HSPG2: variants seen among roughly 807,000 people sequenced by gnomAD.
The protein encoded by HSPG2 is basement membrane-specific heparan sulfate proteoglycan core protein.
A neutral mutation model predicts 526.6 loss-of-function variants in HSPG2; 278 were observed. That is an observed-to-expected ratio of 0.53 (90% confidence interval 0.48 to 0.58). The LOEUF (loss-of-function observed/expected upper bound fraction) is 0.58. Among genes scored for constraint, HSPG2 ranks in the 20% least tolerant of loss-of-function variants. HSPG2 has a pLI of 0.00. For missense variants in HSPG2, 5,354 were observed against 6,099.5 expected (o/e 0.88, Z 4.07); for synonymous variants, 2,465 against 2,555.4 (o/e 0.96, Z 1.07).
At position 21,822,492 on chromosome 1, in the gene HSPG2, G is replaced by A. The variant is rs774542904; in HGVS notation, c.*824C>T. 23 of 446,518 alleles carry A rather than the reference G, an allele frequency of 5.2e-5. No homozygotes were observed. Among genetic ancestry groups the A allele is most frequent in the East Asian group, 4.6e-4 (11 of 24,084 alleles). The allele number at this position is 446,518 out of a possible 1,614,324, so 27.7% of individuals were successfully genotyped here. On this transcript the variant is annotated 3_prime_UTR_variant, in exon 97 of 97. Transcript: ENST00000374695. Reference sequence around the variant, plus strand: ...CTCTTCCTGAGCACCAGCGGCATCCGTCCGTCCGTTGTCTGTTGGAGGAGT... The same window carrying A: ...CTCTTCCTGAGCACCAGCGGCATCCATCCGTCCGTTGTCTGTTGGAGGAGT...
chr1:21,876,122 T>C (rs536860109), intron 23 of HSPG2, 80 bp from the exon 24 acceptor site: 297 of 1,578,418 alleles, frequency 1.9e-4, no homozygotes, highest in Non-Finnish European at 2.4e-4. Flanking sequence ...TTCCATGCAG[T>C]GTATCTCACT....
At chr1:21,846,827 C>T (rs1466562516) in intron 62 of HSPG2, among the ~76,000 whole-genome samples, 1 of 152,092 alleles carries the variant, frequency 6.6e-6, no homozygotes, top group East Asian at 1.9e-4. Context: ...TGGTGAAATC[C>T]TGTCTCTACT....
intron 1 of HSPG2, among the ~76,000 whole-genome samples, chr1:21,913,985 A>G (rs1643800717): frequency 2.6e-5 from 4 of 152,178 alleles, no homozygotes; most frequent in East Asian, 1.9e-4. Flanking sequence ...GAACCTGTGA[A>G]ATTTGTGGCG....
chr1:21,887,465 C>T lies in HSPG2; in HGVS notation c.913G>A (p.Asp305Asn), dbSNP rs372437693. 3.7e-5 allele frequency: 59 copies of T among 1,613,932 alleles called. No individual in the cohort carries two copies. The highest frequency in any genetic ancestry group is 3.3e-4 in the East Asian group (15 of 44,878). ...CCGTCCTCGCAGTCCTCCTGTCCGT[C>T]GCAGAGGTAGTCTCTGGGGATGCAG... The part of the protein sequence containing the change: ...GHCIPRDYLC[D>N]GQEDCEDGSD... The change falls in exon 8 of 97, where the codon GAC (aspartate) becomes AAC (asparagine). Residue 305 changes from aspartate (D) to asparagine (N), a missense_variant. Transcript: ENST00000374695. The surrounding 1 kb of genome is among the most constrained non-coding windows in gnomAD (Gnocchi z 5.0).
chr1:21,887,760 G>A lies in HSPG2; in HGVS notation c.704-86C>T, dbSNP rs1642040003. 5.7e-6 allele frequency: 9 copies of A among 1,581,752 alleles called. No individual in the cohort carries two copies. The South Asian group carries it at 8.9e-5, about 16-fold the overall frequency. On this transcript the variant is annotated intron_variant, in intron 7 of 96. Coordinates refer to ENST00000374695, the MANE Select transcript of HSPG2 (RefSeq NM_005529.7). This position sits in a 1 kb window ranked among gnomAD's most constrained non-coding sequence, Gnocchi z 5.0. Reference sequence around the variant, plus strand: ...CCCCAACCCTCCCCAGGCCCACCCTGTACTCCCCAACACCACTCCCTGCCA... The same window carrying A: ...CCCCAACCCTCCCCAGGCCCACCCTATACTCCCCAACACCACTCCCTGCCA...
At chr1:21,878,967 C>T (rs572855572) in intron 18 of HSPG2, 27 bp downstream of exon 18, 4 of 1,608,838 alleles carry the variant, frequency 2.5e-6, no homozygotes, top group African/African-American at 2.7e-5. Flanking sequence ...CCAGCCAAAC[C>T]CCCCCTGACC....
rs768951235 is a variant in HSPG2 at position 21,887,528 on chromosome 1, G to T, written c.850C>A (p.Pro284Thr). 9 of 1,614,008 alleles carry T rather than the reference G, an allele frequency of 5.6e-6. No individual in the cohort carries two copies. The highest frequency in any genetic ancestry group is 7.6e-6 in the Non-Finnish European group (9 of 1,180,014). ...PLLPGSVRPL[P>T]CGPQEAACRN... ...CATGCGGCCTCCTGGGGCCCACAGG[G>T]CAGGGGCCTGACGGAACCGGGAAGC... The change falls in exon 8 of 97, where the codon CCC becomes ACC. Residue 284 changes from proline (P) to threonine (T), a missense_variant. By Grantham distance (38) the Pro-to-Thr change is conservative. Transcript: ENST00000374695. This position sits in a 1 kb window ranked among gnomAD's most constrained non-coding sequence, Gnocchi z 5.0.
chr1:21,878,954 T>TC, intron 18 of HSPG2, 40 bp downstream of exon 18: 1 of 1,603,964 alleles, frequency 6.2e-7, no homozygotes, highest in Non-Finnish European at 8.5e-7. Flanking sequence ...TGTTGCACTG[T>TC]CCCCAGCCAA....
chr1:21,841,351 G>T (rs2098047758), intron 70 of HSPG2, 66 bp from the exon 71 acceptor site: 1 of 1,598,252 alleles, frequency 6.3e-7, no homozygotes, highest in Non-Finnish European at 8.6e-7. Context: ...CACTGCCATG[G>T]CCTCCAGCTT....
At chr1:21,853,931 A>G in intron 50 of HSPG2, 1 of 517,514 alleles carries the variant, frequency 1.9e-6, no homozygotes, top group Admixed American at 3.3e-5. Flanking sequence ...AGGTCAGCCG[A>G]CTCCCAGCTT....
intron 1 of HSPG2, among the ~76,000 whole-genome samples, chr1:21,932,285 G>A (rs1299595683): frequency 6.6e-6 from 1 of 152,206 alleles, no homozygotes; most frequent in East Asian, 1.9e-4. Context: ...GGGGCAGTAC[G>A]TGGCGTGATT....
rs770913811 is a variant in HSPG2, at chr1:21,842,105, G to A, written c.9090C>T (p.Ser3030=). The change falls in exon 69 of 97, where the codon AGC becomes AGT. Residue 3030 remains serine (S), a synonymous_variant. Coordinates refer to ENST00000374695, the MANE Select transcript of HSPG2 (RefSeq NM_005529.7). ...RSPVISIDPP[S]STVQQGQDAS... is the part of the protein sequence containing the mutation. The stretch of plus-strand genomic sequence containing the variant: ...CATCCTGGCCCTGCTGCACGGTGCT[G>A]CTGGGCGGGTCGATGGAGATGACCG... 1 of 1,613,704 alleles carries A rather than the reference G, an allele frequency of 6.2e-7. No homozygotes were observed. The highest frequency in any genetic ancestry group is 8.5e-7 in the Non-Finnish European group (1 of 1,180,022).
intron 91 of HSPG2, among the ~76,000 whole-genome samples, chr1:21,827,582 C>G (rs2097981917): frequency 6.6e-6 from 1 of 152,186 alleles, no homozygotes; most frequent in African/African-American, 2.4e-5. Flanking sequence ...ATATTTACTG[C>G]TCTCAGGGCA....
chr1:21,846,379 C>T, intron 63 of HSPG2, 69 bp downstream of exon 63: 1 of 1,611,102 alleles, frequency 6.2e-7, no homozygotes. Flanking sequence ...CCTAGGTCTC[C>T]CTCTTGGCAA....
In HSPG2 at chr1:21,888,761, C is replaced by G; in HGVS notation, c.575-695G>C. ...ATCAGTGGCTGTTCCACCTGGGAGC[C>G]GGGAGCTGAGGGCTGCAGGGCTGGG... On this transcript the variant is annotated intron_variant, in intron 6 of 96. Coordinates refer to ENST00000374695, the MANE Select transcript of HSPG2 (RefSeq NM_005529.7). 2.2e-6 allele frequency: 3 copies of G among 1,337,062 alleles called. No individual in the cohort carries two copies. The South Asian group carries it at 3.5e-5, about 16-fold the overall frequency. The allele number at this position is 1,337,062 out of a possible 1,614,324, so 82.8% of individuals were successfully genotyped here.
At position 21,855,770 on chromosome 1, in the gene HSPG2, T is replaced by G; in HGVS notation, c.5701+17A>C. The G allele has an allele frequency of 1.2e-6, 2 of 1,612,526 alleles. No individual in the cohort carries two copies. Among genetic ancestry groups the G allele is most frequent in the Non-Finnish European group, 1.7e-6 (2 of 1,179,692 alleles). Reference sequence around the variant, plus strand: ...AGGAGAGTCAGGCCTTGAATGTCATTCCCATCACGGCCTCACCTGTCCACT... The same window carrying G: ...AGGAGAGTCAGGCCTTGAATGTCATGCCCATCACGGCCTCACCTGTCCACT... On this transcript the variant is annotated intron_variant, in intron 45 of 96. Transcript: ENST00000374695.
chr1:21,936,761 C>T (rs149153686), intron 1 of HSPG2, among the ~76,000 whole-genome samples: 1 of 152,312 alleles, frequency 6.6e-6, no homozygotes, highest in Non-Finnish European at 1.5e-5. Flanking sequence ...ACTGAGTGGC[C>T]GTTCTGCCAA....
intron 1 of HSPG2, among the ~76,000 whole-genome samples, chr1:21,928,021 C>T (rs1176091380): frequency 6.6e-6 from 1 of 152,224 alleles, no homozygotes; most frequent in Non-Finnish European, 1.5e-5. Context: ...ATACCTGCCA[C>T]ATTCCAGGCA....
intron 1 of HSPG2, among the ~76,000 whole-genome samples, chr1:21,916,904 G>A (rs1643899761): frequency 1.3e-5 from 2 of 152,206 alleles, no homozygotes; most frequent in Non-Finnish European, 1.5e-5. Flanking sequence ...AGGCTGCAGA[G>A]GCAAAATCGG....
Sources: allele counts gnomAD v4.1 joint callset (sites outside exome capture counted in the v4.1 genomes callset), GRCh38; gene constraint gnomAD v4.1.1; non-coding constraint Gnocchi (gnomAD v3.1); transcripts MANE v1.5; gene names NCBI Gene and HGNC (gene_info 2026-07-23, HGNC 2026-07-21).